NXPE2: variants seen among roughly 807,000 people sequenced by gnomAD.
NXPE2 encodes the protein neurexophilin and PC-esterase domain family member 2, also known as NXPE family member 2.
A neutral mutation model predicts 34.4 loss-of-function variants in NXPE2; 34 were observed. The observed-to-expected ratio is 0.99, with a 90% confidence interval of 0.75 to 1.31. NXPE2 has a LOEUF of 1.31. NXPE2 is among the 40% of genes most tolerant of loss of function. The probability of loss-of-function intolerance (pLI) is 0.00; values close to 1 mark genes in which losing one functional copy is unlikely to be tolerated. For synonymous variants in NXPE2, 235 were observed against 231.3 expected, an observed-to-expected ratio of 1.02 and a Z score of -0.15; for missense variants, 649 against 672.5, an observed-to-expected ratio of 0.97 and a Z score of 0.39.
At chr11:114,554,044 C>T in the NXPE2 span, 7 of 985,292 alleles carry the variant, frequency 7.1e-6, no homozygotes, top group Non-Finnish European at 7.2e-6. Context: ...TTTTCTTCTC[C>T]CCATCTTTGT....
the NXPE2 span, among the ~76,000 whole-genome samples, chr11:114,569,079 A>G: frequency 6.6e-6 from 1 of 152,298 alleles, no homozygotes; most frequent in East Asian, 1.9e-4. Context: ...GCTGCCCCCA[A>G]AAAACTGGAT....
the NXPE2 span, among the ~76,000 whole-genome samples, chr11:114,466,933 T>C: frequency 6.6e-6 from 1 of 152,214 alleles, no homozygotes; most frequent in African/African-American, 2.4e-5. Context: ...ATGTGAGCTC[T>C]GATCCTTGCC....
chr11:114,550,927 A>G, the NXPE2 span, among the ~76,000 whole-genome samples: 7 of 152,104 alleles, frequency 4.6e-5, no homozygotes, highest in Non-Finnish European at 7.4e-5. Context: ...GAAATGAAGA[A>G]ATAGAGGTTG....
the NXPE2 span, among the ~76,000 whole-genome samples, chr11:114,658,391 C>T: frequency 1.0e-3 from 155 of 152,268 alleles, 1 homozygote; most frequent in Admixed American, 8.3e-3. Flanking sequence ...AGACTTTGCA[C>T]ATAAAGGGAA....
chr11:114,764,604 A>C, the NXPE2 span, among the ~76,000 whole-genome samples: 8 of 152,182 alleles, frequency 5.3e-5, no homozygotes, highest in African/African-American at 1.2e-4. Flanking sequence ...TTTTCAGAAC[A>C]CATGTTGAGA....
At chr11:114,704,863 G>T (rs1335791517) in intron 4 of NXPE2, among the ~76,000 whole-genome samples, 1 of 152,168 alleles carries the variant, frequency 6.6e-6, no homozygotes, top group Non-Finnish European at 1.5e-5. Flanking sequence ...GATTCTTGAG[G>T]CAATTTGAAT....
the NXPE2 span, among the ~76,000 whole-genome samples, chr11:114,722,964 G>A: frequency 6.6e-6 from 1 of 152,086 alleles, no homozygotes; most frequent in Middle Eastern, 3.2e-3. Context: ...AAAACAAAAT[G>A]TTGAGAAAAA....
chr11:114,491,773 T>G, the NXPE2 span, among the ~76,000 whole-genome samples: 3 of 152,068 alleles, frequency 2.0e-5, no homozygotes, highest in African/African-American at 7.2e-5. Flanking sequence ...TGTCCAACAA[T>G]GATAGACTGG....
At chr11:114,687,913 T>C (rs1209872112) in intron 2 of NXPE2, among the ~76,000 whole-genome samples, 1 of 152,048 alleles carries the variant, frequency 6.6e-6, no homozygotes, top group Non-Finnish European at 1.5e-5. Flanking sequence ...TTTATAAAAA[T>C]GCTACTAATT....
At chr11:114,483,637 G>A in the NXPE2 span, among the ~76,000 whole-genome samples, 2 of 152,310 alleles carry the variant, frequency 1.3e-5, no homozygotes, top group South Asian at 4.1e-4. Flanking sequence ...TATTGTTCCT[G>A]TTGTTGATGG....
chr11:114,632,667 T>C, the NXPE2 span, among the ~76,000 whole-genome samples: 1 of 59,088 alleles, frequency 1.7e-5, no homozygotes, highest in Non-Finnish European at 2.7e-5. Flanking sequence ...AAATATATAG[T>C]ATATATATTT....
At chr11:114,696,419 G>A (rs1397050910) in intron 2 of NXPE2, among the ~76,000 whole-genome samples, 1 of 151,130 alleles carries the variant, frequency 6.6e-6, no homozygotes, top group Non-Finnish European at 1.5e-5. Flanking sequence ...AAAGATATAG[G>A]TAGGCTAAAA....
the NXPE2 span, among the ~76,000 whole-genome samples, chr11:114,629,725 C>G: frequency 6.6e-6 from 1 of 151,764 alleles, no homozygotes; most frequent in African/African-American, 2.4e-5. Flanking sequence ...AAGAGGAAGT[C>G]AAATTGTCCC....
the NXPE2 span, among the ~76,000 whole-genome samples, chr11:114,635,943 C>T: frequency 6.6e-6 from 1 of 152,052 alleles, no homozygotes; most frequent in African/African-American, 2.4e-5. Context: ...GGTGGTTTCT[C>T]TGCCCGTCTT....
chr11:114,679,798 T>A, intron 2 of NXPE2, 36 bp downstream of exon 2: 1 of 1,262,486 alleles, frequency 7.9e-7, no homozygotes, highest in East Asian at 2.5e-5. Flanking sequence ...TCACAGAAGG[T>A]CACGGTGACT....
At chr11:114,545,312 C>A in the NXPE2 span, among the ~76,000 whole-genome samples, 10 of 152,102 alleles carry the variant, frequency 6.6e-5, no homozygotes, top group African/African-American at 2.4e-4. Flanking sequence ...TGGAAGCAAC[C>A]AAGAGCTCTT....
the NXPE2 span, among the ~76,000 whole-genome samples, chr11:114,734,965 C>T: frequency 1.3e-5 from 2 of 152,092 alleles, no homozygotes. Flanking sequence ...AAAAAATTAG[C>T]CGGGCATGGT....
At chr11:114,523,180 T>C in the NXPE2 span, 3 of 915,620 alleles carry the variant, frequency 3.3e-6, no homozygotes, top group Non-Finnish European at 5.2e-6. Context: ...TTGCTCTCTT[T>C]CCCCCTTCCT....
the NXPE2 span, among the ~76,000 whole-genome samples, chr11:114,731,613 G>C: frequency 6.6e-6 from 1 of 152,128 alleles, no homozygotes; most frequent in Non-Finnish European, 1.5e-5. Context: ...TTTTTAAAAA[G>C]CCTCTCTTAA....
Sources: allele counts gnomAD v4.1 joint callset (sites outside exome capture counted in the v4.1 genomes callset), GRCh38; gene constraint gnomAD v4.1.1; transcripts MANE v1.5; gene names NCBI Gene and HGNC (gene_info 2026-07-23, HGNC 2026-07-21).